POGZ: variants seen among roughly 807,000 people sequenced by gnomAD.
POGZ encodes pogo transposable element derived with ZNF domain, also known as pogo transposable element with ZNF domain.
A neutral mutation model predicts 134.6 loss-of-function variants in POGZ; 17 were observed. That is an observed-to-expected ratio of 0.13 (90% CI 0.09 to 0.19). The LOEUF is 0.19. POGZ is among the 10% of genes least tolerant of loss of function. The pLI is 1.00. For synonymous variants in POGZ, 693 were observed against 657.1 expected (o/e 1.05, Z -0.84); for missense variants, 1,306 against 1,769.7 (o/e 0.74, Z 4.70).
intron 17 of POGZ, 81 bp downstream of exon 17, chr1:151,406,830 G>T: frequency 1.8e-6 from 2 of 1,089,352 alleles, no homozygotes; most frequent in Non-Finnish European, 2.8e-6. Flanking sequence ...AGGCCAAGTA[G>T]GTATGCTCCT....
chr1:151,441,959 T>C (rs1660603518), intron 2 of POGZ, 122 bp downstream of exon 2: 2 of 649,552 alleles, frequency 3.1e-6, no homozygotes, highest in Non-Finnish European at 5.2e-6. Context: ...GCAGCACCAG[T>C]GAGTGCCACA....
At chr1:151,456,205 T>C (rs1030677455) in intron 1 of POGZ, among the ~76,000 whole-genome samples, 2 of 152,210 alleles carry the variant, frequency 1.3e-5, no homozygotes, top group Non-Finnish European at 2.9e-5. Context: ...AAAGCCTAGA[T>C]TTACTGAGTT....
rs770126345 is a variant in POGZ, at chr1:151,406,174, T to C, written c.2861A>G (p.Glu954Gly). 3 of 1,614,112 alleles carry C rather than the reference T, an allele frequency of 1.9e-6. No individual in the cohort carries two copies. The highest frequency in any genetic ancestry group is 2.5e-6 in the Non-Finnish European group (3 of 1,179,970). The change falls in exon 19 of 19, where the codon GAA becomes GGA. Residue 954 changes from glutamate to glycine, a missense_variant. By Grantham distance (98) the Glu-to-Gly change is moderately conservative. Around this residue, in one of 10 missense-constraint regions of POGZ, gnomAD observed 214 missense variants for 255.5 expected, o/e 0.84. Coordinates refer to ENST00000271715, the MANE Select transcript of POGZ (RefSeq NM_015100.4). The part of the protein sequence containing the change: ...DQDEGSPVTQ[E>G]PELASGGGGS... Reference sequence around the variant, plus strand: ...ACCACCACCTGATGCTAGCTCAGGTTCTTGGGTGACTGGGCTCCCTTCATC... The same window carrying C: ...ACCACCACCTGATGCTAGCTCAGGTCCTTGGGTGACTGGGCTCCCTTCATC...
chr1:151,409,334 T>C (rs1413188259), intron 12 of POGZ, among the ~76,000 whole-genome samples: 3 of 152,184 alleles, frequency 2.0e-5, no homozygotes, highest in South Asian at 4.1e-4. Flanking sequence ...AGTCTACACA[T>C]ATAACTGTAT....
chr1:151,429,772 A>C, intron 4 of POGZ, 61 bp from the exon 5 acceptor site: 1 of 905,986 alleles, frequency 1.1e-6, no homozygotes, highest in South Asian at 1.4e-5. Context: ...CAAAGATTGC[A>C]GTATGACCTA....
At chr1:151,422,685 G>T (rs1184391103) in intron 10 of POGZ, among the ~76,000 whole-genome samples, 1 of 151,942 alleles carries the variant, frequency 6.6e-6, no homozygotes, top group African/African-American at 2.4e-5. Context: ...TCCGCCTCCC[G>T]GGTTCAAGCG....
At chr1:151,447,161 G>A (rs1661393396) in intron 1 of POGZ, among the ~76,000 whole-genome samples, 1 of 152,024 alleles carries the variant, frequency 6.6e-6, no homozygotes, top group Non-Finnish European at 1.5e-5. Context: ...TAAGGCGGGC[G>A]GATCACATGA....
chr1:151,447,009 G>C (rs1661372457), intron 1 of POGZ, among the ~76,000 whole-genome samples: 1 of 151,966 alleles, frequency 6.6e-6, no homozygotes, highest in Admixed American at 6.6e-5. Context: ...GTATTATATT[G>C]AAACAAATCT....
At chr1:151,408,942 G>T in intron 12 of POGZ, 114 bp from the exon 13 acceptor site, 1 of 913,894 alleles carries the variant, frequency 1.1e-6, no homozygotes. Context: ...CCACCTTTCT[G>T]TTGATAATTT....
At chr1:151,422,677 C>T (rs1403307073) in intron 10 of POGZ, among the ~76,000 whole-genome samples, 11 of 152,128 alleles carry the variant, frequency 7.2e-5, no homozygotes, top group South Asian at 2.1e-4. Context: ...CTGCAACCTC[C>T]GCCTCCCGGG....
In POGZ at chr1:151,403,744, T is replaced by C. The variant is rs1653102782; in HGVS notation, c.*1058A>G. The C allele has an allele frequency of 1.0e-6, 1 of 985,658 alleles. No homozygotes were observed. The highest frequency in any genetic ancestry group is 1.2e-6 in the Non-Finnish European group (1 of 829,938). The allele number at this position is 985,658 out of a possible 1,614,324, so 61.1% of individuals were successfully genotyped here. On this transcript the variant is annotated 3_prime_UTR_variant, in exon 19 of 19. Transcript: ENST00000271715. ...CACGCTGGATTTCAACAAGTGGTCTTGTCTTTTTAAAGTTCAACACTTCTT... is the reference window on the plus strand; with the variant it reads ...CACGCTGGATTTCAACAAGTGGTCTCGTCTTTTTAAAGTTCAACACTTCTT...
At chr1:151,412,598 C>T (rs765843264) in intron 10 of POGZ, among the ~76,000 whole-genome samples, 1 of 152,150 alleles carries the variant, frequency 6.6e-6, no homozygotes, top group Admixed American at 6.5e-5. Context: ...AGACTTCTTA[C>T]CAAAGCTTCA....
intron 1 of POGZ, among the ~76,000 whole-genome samples, chr1:151,448,519 C>T (rs1049111850): frequency 3.3e-5 from 5 of 151,980 alleles, no homozygotes; most frequent in Admixed American, 1.3e-4. Context: ...CAAAGGTTAA[C>T]AAAGAGGACA....
At chr1:151,432,547 T>A (rs542559914) in intron 3 of POGZ, among the ~76,000 whole-genome samples, 14 of 152,322 alleles carry the variant, frequency 9.2e-5, no homozygotes, top group African/African-American at 2.4e-5. Context: ...GTGGGTTTTT[T>A]AAATTTTTAA....
chr1:151,404,863 T>A lies in POGZ; in HGVS notation c.4172A>T (p.Glu1391Val). Residue 1391 changes from glutamate (E) to valine (V), a missense_variant, in exon 19 of 19, where the codon GAA becomes GTA. Glu to Val is a moderately radical substitution (Grantham distance 121). This residue lies in a region of POGZ where 107 missense variants were observed against 97.9 expected (regional missense o/e 1.09). Coordinates refer to ENST00000271715, the MANE Select transcript of POGZ (RefSeq NM_015100.4). ...PESLHQLFEG[E>V]SETESFYGFE... Reference sequence around the variant, plus strand: ...GCCATAGAAAGACTCGGTCTCACTTTCACCCTCAAAGAGCTGGTGAAGACT... The same window carrying A: ...GCCATAGAAAGACTCGGTCTCACTTACACCCTCAAAGAGCTGGTGAAGACT... 6.2e-7 allele frequency: 1 copy of A among 1,614,126 alleles called. No individual in the cohort carries two copies. The highest frequency in any genetic ancestry group is 8.5e-7 in the Non-Finnish European group (1 of 1,180,014).
chr1:151,406,701 G>A (rs146469334), intron 17 of POGZ, 70 bp from the exon 18 acceptor site: 311 of 1,316,800 alleles, frequency 2.4e-4, no homozygotes, highest in Middle Eastern at 5.3e-4. Flanking sequence ...CAGTGCCCTG[G>A]GATTCAACTT....
intron 10 of POGZ, among the ~76,000 whole-genome samples, chr1:151,413,158 A>G (rs1345614748): frequency 1.5e-5 from 2 of 137,030 alleles, no homozygotes; most frequent in African/African-American, 5.6e-5. Context: ...CTCAGGCTGG[A>G]GCATGATCAT....
intron 3 of POGZ, among the ~76,000 whole-genome samples, chr1:151,433,227 T>C (rs1384123747): frequency 6.6e-6 from 1 of 152,138 alleles, no homozygotes; most frequent in Non-Finnish European, 1.5e-5. Flanking sequence ...AACCCGTAAA[T>C]ACCATTATAA....
chr1:151,447,513 A>G (rs2102399994), intron 1 of POGZ, among the ~76,000 whole-genome samples: 1 of 151,912 alleles, frequency 6.6e-6, no homozygotes, highest in South Asian at 2.1e-4. Context: ...GTACAGTGGC[A>G]CAATCTCAGC....
Sources: gnomAD v4.1 joint callset for allele counts (sites outside exome capture counted in the v4.1 genomes callset) on GRCh38, gnomAD v4.1.1 for gene constraint, gnomAD v4.1.1 regional missense constraint, MANE v1.5 for transcripts, NCBI Gene and HGNC (gene_info 2026-07-23, HGNC 2026-07-21) for gene names.